PTPRN2: variants seen among roughly 807,000 people sequenced by gnomAD.
The protein encoded by PTPRN2 is protein tyrosine phosphatase receptor type N2.
Under a neutral mutation model 118.8 loss-of-function variants are expected in PTPRN2, and 74 were observed. The ratio of observed to expected loss-of-function variants is 0.62; its 90% CI spans 0.52 to 0.76. The LOEUF (loss-of-function observed/expected upper bound fraction) is 0.76. Among genes scored for constraint, PTPRN2 ranks in the 30% least tolerant of loss-of-function variants. The probability of loss-of-function intolerance (pLI) is 0.00; values close to 1 mark genes in which losing one functional copy is unlikely to be tolerated. For missense variants in PTPRN2, 1,481 were observed against 1,394.4 expected (o/e 1.06, Z -0.99); for synonymous variants, 641 against 608.0 (o/e 1.05, Z -0.80).
chr7:157,555,215 G>A (rs532972692), intron 21 of PTPRN2, among the ~76,000 whole-genome samples: 43 of 152,276 alleles, frequency 2.8e-4, no homozygotes, highest in African/African-American at 9.1e-4. Context: ...ATTCACTCAG[G>A]GCTCATTGGG....
At chr7:158,171,378 T>C (rs530373244) in intron 5 of PTPRN2, among the ~76,000 whole-genome samples, 3 of 146,006 alleles carry the variant, frequency 2.1e-5, no homozygotes, top group African/African-American at 7.6e-5. Context: ...AGACATAGTC[T>C]CGCTCTGTAA....
At chr7:157,747,861 T>C (rs1801097181) in intron 12 of PTPRN2, among the ~76,000 whole-genome samples, 1 of 144,034 alleles carries the variant, frequency 6.9e-6, no homozygotes, top group South Asian at 2.3e-4. Flanking sequence ...TTCTGAGGCC[T>C]GCGTCCCTGA....
At chr7:157,872,785 C>G (rs1038392752) in intron 12 of PTPRN2, among the ~76,000 whole-genome samples, 1 of 152,236 alleles carries the variant, frequency 6.6e-6, no homozygotes, top group Admixed American at 6.5e-5. Context: ...CCCGCCCTGT[C>G]AGGGCTCCTG....
chr7:158,262,933 T>C (rs1356992764), intron 3 of PTPRN2, among the ~76,000 whole-genome samples: 1 of 129,116 alleles, frequency 7.7e-6, no homozygotes, highest in African/African-American at 3.4e-5. Context: ...ATTCACACAC[T>C]GCACACACAC....
intron 1 of PTPRN2, among the ~76,000 whole-genome samples, chr7:158,527,142 C>T (rs1441687895): frequency 1.3e-5 from 2 of 152,164 alleles, no homozygotes; most frequent in African/African-American, 4.8e-5. Context: ...CTCCGAGGAT[C>T]CCCCACAGCC....
intron 8 of PTPRN2, 123 bp from the exon 9 acceptor site, chr7:158,134,182 G>T: frequency 8.6e-7 from 1 of 1,164,120 alleles, no homozygotes. Flanking sequence ...GAAGGAGAGT[G>T]TGGGAGGAAG....
At chr7:158,248,658 CCACA>C in intron 3 of PTPRN2, among the ~76,000 whole-genome samples, 1 of 127,690 alleles carries the variant, frequency 7.8e-6, no homozygotes, top group East Asian at 2.4e-4. Flanking sequence ...CACATCACAC[CCACA>C]CAGCACATAT....
intron 2 of PTPRN2, among the ~76,000 whole-genome samples, chr7:158,333,637 C>T (rs1356731835): frequency 1.3e-5 from 2 of 151,714 alleles, no homozygotes; most frequent in Non-Finnish European, 2.9e-5. Context: ...ACAGACATCA[C>T]TCACACCCAC....
At chr7:157,561,501 C>T (rs994228186) in intron 21 of PTPRN2, among the ~76,000 whole-genome samples, 13 of 152,242 alleles carry the variant, frequency 8.5e-5, no homozygotes, top group African/African-American at 1.9e-4. Flanking sequence ...TCCCTGGGGC[C>T]GTGTGCCTTC....
At chr7:158,183,337 G>A (rs772973708) in intron 5 of PTPRN2, among the ~76,000 whole-genome samples, 63 of 152,192 alleles carry the variant, frequency 4.1e-4, no homozygotes, top group Non-Finnish European at 6.8e-4. Flanking sequence ...ATGGAGACAG[G>A]AAGTGTGGCT....
At chr7:158,195,458 T>C (rs1452272842) in intron 4 of PTPRN2, among the ~76,000 whole-genome samples, 1 of 152,198 alleles carries the variant, frequency 6.6e-6, no homozygotes. Flanking sequence ...AGGGGGCTTA[T>C]TGAGCTTTCT....
At chr7:158,340,540 G>A (rs1219704441) in intron 2 of PTPRN2, among the ~76,000 whole-genome samples, 3 of 114,182 alleles carry the variant, frequency 2.6e-5, no homozygotes, top group East Asian at 3.0e-4. Context: ...AAGAGCTGTC[G>A]CCCGCAGAGG....
chr7:158,402,087 AGAG>A (rs1423462816), intron 2 of PTPRN2, among the ~76,000 whole-genome samples: 3 of 152,222 alleles, frequency 2.0e-5, no homozygotes, highest in Non-Finnish European at 4.4e-5. Context: ...GGTGTGAAAG[AGAG>A]GAGATGAGGA....
intron 11 of PTPRN2, among the ~76,000 whole-genome samples, chr7:157,939,195 A>T (rs547469527): frequency 1.3e-5 from 2 of 152,352 alleles, no homozygotes; most frequent in East Asian, 3.9e-4. Context: ...TTACAGTCAG[A>T]TAAAGTTAAG....
At chr7:158,281,675 G>A (rs968617919) in intron 3 of PTPRN2, among the ~76,000 whole-genome samples, 4 of 152,304 alleles carry the variant, frequency 2.6e-5, no homozygotes, top group African/African-American at 9.6e-5. Context: ...CATGCCTGGG[G>A]CCCTTTGCAT....
intron 16 of PTPRN2, among the ~76,000 whole-genome samples, chr7:157,602,082 T>C (rs1010728745): frequency 3.3e-5 from 5 of 152,214 alleles, no homozygotes; most frequent in African/African-American, 9.6e-5. Context: ...TTAAGGAAGA[T>C]GAATGAGGAT....
At chr7:158,317,397 G>A (rs1282381494) in intron 2 of PTPRN2, among the ~76,000 whole-genome samples, 1 of 152,264 alleles carries the variant, frequency 6.6e-6, no homozygotes, top group African/African-American at 2.4e-5. Context: ...GGGCTGCGTG[G>A]GAGGCAAGCA....
intron 11 of PTPRN2, among the ~76,000 whole-genome samples, chr7:158,079,471 C>G (rs1334083677): frequency 4.6e-5 from 7 of 152,130 alleles, no homozygotes; most frequent in Non-Finnish European, 8.8e-5. Context: ...TCTAGAGAGC[C>G]ATAAAATAAA....
chr7:158,443,867 G>A (rs190624411), intron 2 of PTPRN2, among the ~76,000 whole-genome samples: 1 of 152,218 alleles, frequency 6.6e-6, no homozygotes, highest in East Asian at 1.9e-4. Flanking sequence ...CAACGGGGCT[G>A]CCTGGGACGG....
Sources: gnomAD v4.1 joint callset for allele counts (sites outside exome capture counted in the v4.1 genomes callset) on GRCh38, gnomAD v4.1.1 for gene constraint, MANE v1.5 for transcripts, NCBI Gene and HGNC (gene_info 2026-07-23, HGNC 2026-07-21) for gene names.